Variants in CLPP observed in about 807,000 individuals in gnomAD.
The protein encoded by CLPP is caseinolytic mitochondrial matrix peptidase proteolytic subunit, also known as ATP-dependent Clp protease proteolytic subunit, mitochondrial.
In CLPP, 14 loss-of-function variants were observed where a neutral mutation model predicts 27.4. That is an observed-to-expected ratio of 0.51 (90% CI 0.34 to 0.80). The LOEUF is 0.80. Among genes scored for constraint, CLPP ranks in the 30% least tolerant of loss-of-function variants. The pLI, the probability that CLPP is intolerant of heterozygous loss-of-function variation, is 0.02. For missense variants in CLPP, 361 were observed against 403.6 expected, an observed-to-expected ratio of 0.89 and a Z score of 0.90; for synonymous variants, 193 against 166.6, an observed-to-expected ratio of 1.16 and a Z score of -1.22.
At position 6,361,568 on chromosome 19, in the gene CLPP, C is replaced by T. The variant is rs1243000851; in HGVS notation, c.-7C>T. 5 of 1,395,622 alleles carry T rather than the reference C, an allele frequency of 3.6e-6. No individual in the cohort carries two copies. Among genetic ancestry groups the T allele is most frequent in the South Asian group, 3.4e-5 (2 of 59,572 alleles). The allele number at this position is 1,395,622 out of a possible 1,614,324, so 86.5% of individuals were successfully genotyped here. A position where few individuals can be genotyped will look rare whatever the true frequency, so the allele number is the denominator to read the frequency against. ...TCGGACGGAAGCCGACCGGGGCGTG[C>T]GGAGGGATGTGGCCCGGAATATTGG... On this transcript the variant is annotated 5_prime_UTR_variant, in exon 1 of 6. Coordinates refer to ENST00000245816, the MANE Select transcript of CLPP (RefSeq NM_006012.4).
chr19:6,362,092 C>G, intron 2 of CLPP, 152 bp downstream of exon 2: 2 of 706,116 alleles, frequency 2.8e-6, no homozygotes, highest in South Asian at 1.8e-5. Context: ...TCCTGGCTCC[C>G]GGTCCCCCAA....
intron 2 of CLPP, chr19:6,362,245 A>G: frequency 4.2e-6 from 2 of 472,188 alleles, no homozygotes; most frequent in Non-Finnish European, 3.7e-6. Context: ...TAGCCCCCTG[A>G]CTCCCCCCTT....
Position 6,362,427 on chromosome 19 carries a change from C to G in CLPP, c.271-19C>G. ...CCCCACCCCGAATCTGGGGACACCC[C>G]TGCCCTCTCCACCTGCAGATCGATG... On this transcript the variant is annotated intron_variant, in intron 2 of 5. Transcript: ENST00000245816. 6.3e-7 allele frequency: 1 copy of G among 1,593,986 alleles called. No homozygotes were observed. Among genetic ancestry groups the G allele is most frequent in the Non-Finnish European group, 8.6e-7 (1 of 1,161,672 alleles).
In CLPP at chr19:6,361,744, C is replaced by A. The variant is rs775215584; in HGVS notation, c.170C>A (p.Pro57Gln). The part of the protein sequence containing the change: ...CLHATATRAL[P>Q]LIPIVVEQTG... ...CACGCGACGGCGACCCGGGCTCTCC[C>A]GCTCATTCCCATCGTGGTGGAGCAG... Residue 57 changes from proline to glutamine, a missense_variant, in exon 1 of 6, where the codon CCG (proline) becomes CAG (glutamine). By Grantham distance (76) the Pro-to-Gln change is moderately conservative. Around this residue, in one of 2 missense-constraint regions of CLPP, gnomAD observed 148 missense variants for 122.6 expected, o/e 1.21. Coordinates refer to ENST00000245816, the MANE Select transcript of CLPP (RefSeq NM_006012.4). 6 of 1,523,576 alleles carry A rather than the reference C, an allele frequency of 3.9e-6. No homozygotes were observed. The highest frequency in any genetic ancestry group is 5.3e-6 in the Non-Finnish European group (6 of 1,140,662). The allele number at this position is 1,523,576 out of a possible 1,614,324, so 94.4% of individuals were successfully genotyped here. A position where few individuals can be genotyped will look rare whatever the true frequency, so the allele number is the denominator to read the frequency against.
chr19:6,366,385 A>C, intron 5 of CLPP, 22 bp downstream of exon 5: 6 of 1,566,104 alleles, frequency 3.8e-6, no homozygotes, highest in South Asian at 1.1e-5. Context: ...CCTTTATTTC[A>C]TCCTGGTCCG....
At position 6,364,449 on chromosome 19, in the gene CLPP, C is replaced by CAGG; in HGVS notation, c.368-2_368dup. 1.2e-6 allele frequency: 2 copies of CAGG among 1,605,154 alleles called. No homozygotes were observed. On this transcript the variant is annotated splice_region_variant and splice_polypyrimidine_tract_variant and intron_variant, in intron 3 of 5. Transcript: ENST00000245816. Reference sequence around the variant, plus strand: ...AGCCCCTCACTTGCTCCCCCGCCCACAGGTGGTGTGGTGACCGCGGGCCTG... The same window carrying CAGG: ...AGCCCCTCACTTGCTCCCCCGCCCACAGGAGGTGGTGTGGTGACCGCGGGCCTG...
At chr19:6,366,213 G>A (rs112972378) in intron 4 of CLPP, 45 bp from the exon 5 acceptor site, 9 of 1,396,880 alleles carry the variant, frequency 6.4e-6, no homozygotes, top group East Asian at 2.4e-5. Flanking sequence ...AGGGGCTGAC[G>A]CCGATACCAA....
rs138049326 is a variant in CLPP at position 6,365,430 on chromosome 19, C to T, written c.555+791C>T. The stretch of plus-strand genomic sequence containing the variant: ...AGGAGGTGGAAGTGAGCTGAGATTG[C>T]GCCACTGCACTCAAGCCTGGATGAC... On this transcript the variant is annotated intron_variant, in intron 4 of 5. Coordinates refer to ENST00000245816, the MANE Select transcript of CLPP (RefSeq NM_006012.4). Among the ~76,000 whole-genome samples, 466 of 152,128 alleles carry T rather than the reference C, an allele frequency of 3.1e-3. 2 individuals are homozygous for T. Among genetic ancestry groups the T allele is most frequent in the Non-Finnish European group, 5.7e-3 (385 of 68,006 alleles).
At chr19:6,367,317 G>A (rs2091867556) in intron 5 of CLPP, among the ~76,000 whole-genome samples, 2 of 148,506 alleles carry the variant, frequency 1.3e-5, no homozygotes, top group South Asian at 4.4e-4. Context: ...GGAGGTTGTA[G>A]TGAGTCGAGA....
intron 2 of CLPP, 37 bp from the exon 3 acceptor site, chr19:6,362,409 C>A: frequency 6.7e-7 from 1 of 1,494,256 alleles, no homozygotes; most frequent in South Asian, 1.1e-5. Context: ...TCTCCCCACC[C>A]CGAATCTGGG....
Position 6,364,567 on chromosome 19 carries a change from C to CGGCA in CLPP, c.484_487dup (p.Thr163ArgfsTer46). The CGGCA allele has an allele frequency of 6.2e-7, 1 of 1,613,132 alleles. No homozygotes were observed. Among genetic ancestry groups the CGGCA allele is most frequent in the Non-Finnish European group, 8.5e-7 (1 of 1,179,878 alleles). ...GCATGGGCTCCCTGCTTCTCGCCGCCGGCACCCCAGGCATGCGCCACTCGC... is the reference window on the plus strand; with the variant it reads ...GCATGGGCTCCCTGCTTCTCGCCGCCGGCAGGCACCCCAGGCATGCGCCACTCGC... On this transcript the variant is annotated frameshift_variant, in exon 4 of 6. Coordinates refer to ENST00000245816, the MANE Select transcript of CLPP (RefSeq NM_006012.4). LOFTEE classifies it high-confidence loss of function.
At chr19:6,362,423 AC>A (rs1238617536) in intron 2 of CLPP, 22 bp from the exon 3 acceptor site, 1 of 1,576,410 alleles carries the variant, frequency 6.3e-7, no homozygotes, top group Non-Finnish European at 8.7e-7. Context: ...ATCTGGGGAC[AC>A]CCCTGCCCTC....
intron 3 of CLPP, 38 bp from the exon 4 acceptor site, chr19:6,364,414 G>A (rs2091851305): frequency 2.5e-6 from 4 of 1,571,838 alleles, no homozygotes; most frequent in Non-Finnish European, 2.6e-6. Flanking sequence ...GGGTCGGGGG[G>A]AGCTGGTCCA....
intron 4 of CLPP, among the ~76,000 whole-genome samples, chr19:6,365,926 G>C (rs1048421554): frequency 5.9e-5 from 9 of 151,298 alleles, no homozygotes; most frequent in African/African-American, 2.2e-4. Flanking sequence ...AGACCAGTCT[G>C]GGCAACATAG....
At chr19:6,362,076 C>A in intron 2 of CLPP, 136 bp downstream of exon 2, 1 of 792,252 alleles carries the variant, frequency 1.3e-6, no homozygotes, top group Non-Finnish European at 2.0e-6. Context: ...CCCCTTCTGA[C>A]TCCCCTCCTG....
At chr19:6,364,185 C>T (rs2091850178) in intron 3 of CLPP, among the ~76,000 whole-genome samples, 1 of 151,834 alleles carries the variant, frequency 6.6e-6, no homozygotes, top group African/African-American at 2.4e-5. Flanking sequence ...CACCCGCCAC[C>T]ACGCCCGGCT....
intron 4 of CLPP, 57 bp downstream of exon 4, chr19:6,364,696 G>A: frequency 6.7e-7 from 1 of 1,502,970 alleles, no homozygotes; most frequent in South Asian, 1.2e-5. Context: ...TAGACAGAAG[G>A]ACTGACTGGG....
In CLPP at chr19:6,368,593, C is replaced by T. The variant is rs1262834160; in HGVS notation, c.717C>T (p.Gly239=). Residue 239 remains glycine, a synonymous_variant, in exon 6 of 6, where the codon GGC becomes GGT. Transcript: ENST00000245816. ...YMSPMEAQEF[G]ILDKVLVHPP... ...GCCCCATGGAGGCCCAGGAGTTTGG[C>T]ATCTTAGACAAGGTTCTGGTCCACC... 7 of 1,613,934 alleles carry T rather than the reference C, an allele frequency of 4.3e-6. No individual in the cohort carries two copies. The highest frequency in any genetic ancestry group is 1.6e-4 in the Middle Eastern group (1 of 6,062).
intron 4 of CLPP, chr19:6,364,946 G>A (rs560917026): frequency 7.4e-5 from 20 of 270,924 alleles, no homozygotes; most frequent in Admixed American, 2.6e-4. Flanking sequence ...GGATGGTCTC[G>A]ATCTCCTGAC....
Sources: gnomAD v4.1 joint callset for allele counts (sites outside exome capture counted in the v4.1 genomes callset) on GRCh38, gnomAD v4.1.1 for gene constraint, gnomAD v4.1.1 regional missense constraint, MANE v1.5 for transcripts, NCBI Gene and HGNC (gene_info 2026-07-23, HGNC 2026-07-21) for gene names.